ZMPSTE24: variants seen among roughly 807,000 people sequenced by gnomAD.
The protein encoded by ZMPSTE24 is zinc metallopeptidase STE24.
A neutral mutation model predicts 56.7 loss-of-function variants in ZMPSTE24; 48 were observed. The ratio of observed to expected loss-of-function variants is 0.85; its 90% CI spans 0.67 to 1.08. The LOEUF (loss-of-function observed/expected upper bound fraction) is 1.08. ZMPSTE24 is among the 50% of genes least tolerant of loss of function. The pLI is 0.00. For synonymous variants in ZMPSTE24, 172 were observed against 195.2 expected (o/e 0.88, Z 0.99); for missense variants, 503 against 548.7 (o/e 0.92, Z 0.83).
Position 40,290,899 on chromosome 1 carries a change from C to T in ZMPSTE24, c.1105C>T (p.Arg369Ter), listed in dbSNP as rs281875373. 6 of 1,613,816 alleles carry T rather than the reference C, an allele frequency of 3.7e-6. No individual in the cohort carries two copies. The highest frequency in any genetic ancestry group is 4.2e-6 in the Non-Finnish European group (5 of 1,179,940). ...CFFLFAVLIGRKELFAAFGFY... is the reference protein window; with the variant it reads ...CFFLFAVLIG The stretch of plus-strand genomic sequence containing the variant: ...TTTTTTATTTGCTGTATTAATTGGT[C>T]GAAAGGAGCTTTTTGCTGCATTTGG... Residue 369 changes from arginine to a stop codon, truncating the protein, a stop_gained, in exon 9 of 10, where the codon CGA (arginine) becomes TGA (stop). Transcript: ENST00000372759. LOFTEE classifies it high-confidence loss of function.
At chr1:40,279,697 G>C (rs558145470) in intron 6 of ZMPSTE24, among the ~76,000 whole-genome samples, 1 of 152,150 alleles carries the variant, frequency 6.6e-6, no homozygotes, top group African/African-American at 2.4e-5. Flanking sequence ...TGTTCGGTTG[G>C]GTGTTGTCTT....
chr1:40,265,654 A>G (rs1318391246), intron 2 of ZMPSTE24, among the ~76,000 whole-genome samples: 2 of 152,310 alleles, frequency 1.3e-5, no homozygotes, highest in Non-Finnish European at 2.9e-5. Context: ...TATGATCATA[A>G]CACTGCTCCC....
At chr1:40,266,477 G>A (rs1198089236) in intron 2 of ZMPSTE24, among the ~76,000 whole-genome samples, 1 of 152,166 alleles carries the variant, frequency 6.6e-6, no homozygotes, top group East Asian at 1.9e-4. Context: ...TTTAGTGAAT[G>A]TCTGTGTTCA....
intron 2 of ZMPSTE24, 99 bp downstream of exon 2, chr1:40,261,084 T>A: frequency 6.9e-7 from 1 of 1,456,120 alleles, no homozygotes; most frequent in Non-Finnish European, 9.6e-7. Flanking sequence ...AGTCCCAGAA[T>A]GCTTTCTTAA....
intron 2 of ZMPSTE24, among the ~76,000 whole-genome samples, chr1:40,261,601 T>C (rs1643497373): frequency 6.6e-6 from 1 of 152,206 alleles, no homozygotes; most frequent in Non-Finnish European, 1.5e-5. Flanking sequence ...CTTAAAGAAA[T>C]AGTTAAGTCT....
At chr1:40,258,417 C>A (rs1266107204) in intron 1 of ZMPSTE24, 23 bp downstream of exon 1, 1 of 1,613,736 alleles carries the variant, frequency 6.2e-7, no homozygotes, top group Non-Finnish European at 8.5e-7. Context: ...AGGGTCCAAC[C>A]TGACCCCCAT....
chr1:40,277,964 C>CAAAAAAAA (rs35695915), intron 6 of ZMPSTE24, among the ~76,000 whole-genome samples: 2 of 48,322 alleles, frequency 4.1e-5, no homozygotes, highest in East Asian at 6.1e-4. Flanking sequence ...GACTCCATCT[C>CAAAAAAAA]AAAAAAAAAA....
In ZMPSTE24 at chr1:40,261,003, T is replaced by C; in HGVS notation, c.270+18T>C. On this transcript the variant is annotated intron_variant, in intron 2 of 9. Coordinates refer to ENST00000372759, the MANE Select transcript of ZMPSTE24 (RefSeq NM_005857.5). Reference sequence around the variant, plus strand: ...AAGGCACTGTGAGTAATTTACTTCTTGGAGAGACAGTCTGTCTGGTTGTTT... The same window carrying C: ...AAGGCACTGTGAGTAATTTACTTCTCGGAGAGACAGTCTGTCTGGTTGTTT... 1 of 1,614,004 alleles carries C rather than the reference T, an allele frequency of 6.2e-7. No homozygotes were observed.
chr1:40,267,539 AT>A (rs1334689624), intron 2 of ZMPSTE24, among the ~76,000 whole-genome samples: 1 of 148,086 alleles, frequency 6.8e-6, no homozygotes, highest in East Asian at 1.9e-4. Flanking sequence ...TAATTTTTAA[AT>A]TTTTTGTAGA....
chr1:40,266,761 GTTTTTTTTTT>G (rs3075102), intron 2 of ZMPSTE24, among the ~76,000 whole-genome samples: 4 of 88,116 alleles, frequency 4.5e-5, no homozygotes, highest in South Asian at 4.3e-4. Context: ...TTTCGAACAA[GTTTTTTTTTT>G]TTTTTTTTTT....
At chr1:40,278,552 C>A (rs1176382385) in intron 6 of ZMPSTE24, among the ~76,000 whole-genome samples, 2 of 58,886 alleles carry the variant, frequency 3.4e-5, no homozygotes, top group Non-Finnish European at 6.1e-5. Flanking sequence ...AGTGAGACTC[C>A]GTCTCAAAAA....
At chr1:40,277,688 G>C (rs1181437649) in intron 6 of ZMPSTE24, among the ~76,000 whole-genome samples, 1 of 152,066 alleles carries the variant, frequency 6.6e-6, no homozygotes, top group Non-Finnish European at 1.5e-5. Context: ...AGGATTAGCA[G>C]CCAGGCGTGG....
chr1:40,271,924 G>A lies in ZMPSTE24; in HGVS notation c.658G>A (p.Ala220Thr). ...TGTCACAATCTATGCTGATTATATT[G>A]CCCCTTTATTTGACAAATTCACACC... ...VLVTIYADYI[A>T]PLFDKFTPLP... is the part of the protein sequence containing the mutation. Residue 220 changes from alanine to threonine, a missense_variant, in exon 6 of 10, where the codon GCC (alanine) becomes ACC (threonine). Physicochemically the swap from Ala to Thr is moderately conservative, Grantham distance 58. Coordinates refer to ENST00000372759, the MANE Select transcript of ZMPSTE24 (RefSeq NM_005857.5). 1.9e-6 allele frequency: 3 copies of A among 1,613,430 alleles called. No individual in the cohort carries two copies. The highest frequency in any genetic ancestry group is 2.5e-6 in the Non-Finnish European group (3 of 1,179,644).
intron 8 of ZMPSTE24, among the ~76,000 whole-genome samples, chr1:40,290,104 CG>C (rs1475105492): frequency 6.6e-6 from 1 of 152,052 alleles, no homozygotes; most frequent in Non-Finnish European, 1.5e-5. Context: ...AAACTACTGG[CG>C]GGGCAGTATG....
intron 2 of ZMPSTE24, 68 bp downstream of exon 2, chr1:40,261,053 A>T: frequency 1.3e-6 from 2 of 1,578,264 alleles, no homozygotes; most frequent in South Asian, 2.2e-5. Flanking sequence ...TTGTAACACA[A>T]AAGAGGGTAC....
chr1:40,267,347 T>A (rs1301104527), intron 2 of ZMPSTE24, among the ~76,000 whole-genome samples: 1 of 146,480 alleles, frequency 6.8e-6, no homozygotes, highest in African/African-American at 2.6e-5. Context: ...TTTATTTTAT[T>A]TTATTTTATT....
Position 40,268,396 on chromosome 1 carries a change from T to A in ZMPSTE24, c.358-23T>A, listed in dbSNP as rs201602592. On this transcript the variant is annotated intron_variant, in intron 3 of 9. Coordinates refer to ENST00000372759, the MANE Select transcript of ZMPSTE24 (RefSeq NM_005857.5). The stretch of plus-strand genomic sequence containing the variant: ...TTGCCAGTAGTTCATAAAAACTGGA[T>A]TTTTGTTTTTTCTTTTGTTTAGATC... The A allele has an allele frequency of 5.4e-4, 845 of 1,555,266 alleles. 2 individuals are homozygous for A. The African/African-American group carries it at 0.01, about 19-fold the overall frequency.
At position 40,286,728 on chromosome 1, in the gene ZMPSTE24, C is replaced by CTT. The variant is rs34496576; in HGVS notation, c.1059+714_1059+715dup. Among the ~76,000 whole-genome samples the CTT allele has an allele frequency of 1.8e-3, 216 of 123,208 alleles. 5 individuals are homozygous for CTT. The highest frequency in any genetic ancestry group is 5.3e-3 in the Admixed American group (61 of 11,604). 80.8% of individuals were successfully genotyped at this position (123,208 alleles called of 152,430 possible). On this transcript the variant is annotated intron_variant, in intron 8 of 9. Coordinates refer to ENST00000372759, the MANE Select transcript of ZMPSTE24 (RefSeq NM_005857.5). ...GAACCACTGTGCCCACCCTAAAATG[C>CTT]TTTTTTTTTTTTTTTTGAGATGGAG...
chr1:40,281,420 C>G lies in ZMPSTE24; in HGVS notation c.847C>G (p.Leu283Val). 1 of 1,614,090 alleles carries G rather than the reference C, an allele frequency of 6.2e-7. No homozygotes were observed. The highest frequency in any genetic ancestry group is 2.2e-5 in the East Asian group (1 of 44,866). The change falls in exon 7 of 10, where the codon CTA becomes GTA. Residue 283 changes from leucine to valine, a missense_variant. Physicochemically the swap from Leu to Val is conservative, Grantham distance 32. Transcript: ENST00000372759. ...KNKRIVLFDT[L>V]LEEYSVLNKD... ...CAAGCGAATAGTTTTGTTTGACACT[C>G]TACTAGAAGAGTACTCTGTACTAAA...
Sources: allele counts gnomAD v4.1 joint callset (sites outside exome capture counted in the v4.1 genomes callset), GRCh38; gene constraint gnomAD v4.1.1; transcripts MANE v1.5; gene names NCBI Gene and HGNC (gene_info 2026-07-23, HGNC 2026-07-21).